Variants in RIF1 observed in about 807,000 individuals in gnomAD.
The protein encoded by RIF1 is telomere-associated protein RIF1.
A neutral mutation model predicts 247.1 loss-of-function variants in RIF1; 45 were observed. That is an observed-to-expected ratio of 0.18 (90% CI 0.14 to 0.23). RIF1 has a LOEUF of 0.23. Ranked by LOEUF, RIF1 falls within the 10% of genes least tolerant of loss-of-function variation. RIF1 has a pLI of 1.00. For missense variants in RIF1, 2,967 were observed against 2,862.5 expected (o/e 1.04, Z -0.83); for synonymous variants, 1,087 against 978.8 (o/e 1.11, Z -2.06).
chr2:151,425,582 A>G (rs1688907996), intron 8 of RIF1, among the ~76,000 whole-genome samples: 1 of 150,746 alleles, frequency 6.6e-6, no homozygotes, highest in East Asian at 1.9e-4. Context: ...GTCCACGTTC[A>G]TCCTTTTGCA....
At chr2:151,487,047 G>T (rs1454158739), downstream of RIF1, among the ~76,000 whole-genome samples, 2 of 142,770 alleles carry the variant, frequency 1.4e-5, no homozygotes, top group East Asian at 5.3e-4. Context: ...GCATGAAATT[G>T]TGTGTGTGTG....
At chr2:151,435,433 T>C (rs976494410) in intron 10 of RIF1, 30 bp from the exon 11 acceptor site, 9 of 1,244,070 alleles carry the variant, frequency 7.2e-6, no homozygotes, top group Non-Finnish European at 1.1e-5. Context: ...TTGTATAGTT[T>C]ATAGATCGAT....
At chr2:151,451,000 T>G (rs1436601177) in intron 20 of RIF1, among the ~76,000 whole-genome samples, 1 of 152,222 alleles carries the variant, frequency 6.6e-6, no homozygotes, top group Admixed American at 6.5e-5. Context: ...CTCAGTTTAT[T>G]GGTTGATATG....
chr2:151,430,741 C>T (rs138925674), intron 9 of RIF1, among the ~76,000 whole-genome samples: 59 of 143,008 alleles, frequency 4.1e-4, no homozygotes, highest in African/African-American at 1.4e-3. Flanking sequence ...CAGCCTTGAC[C>T]TCCTGGGCTC....
chr2:151,412,752 G>A (rs1686478551), intron 3 of RIF1, among the ~76,000 whole-genome samples: 1 of 151,926 alleles, frequency 6.6e-6, no homozygotes, highest in African/African-American at 2.4e-5. Flanking sequence ...CAGAGGGCTA[G>A]GATTATAGGT....
At chr2:151,527,689 A>C in the RIF1 span, 1 of 752,178 alleles carries the variant, frequency 1.3e-6, no homozygotes, top group Non-Finnish European at 2.2e-6. Flanking sequence ...ATCTCAAATC[A>C]TGATTCCTAA....
chr2:151,523,120 A>AAT, the RIF1 span, among the ~76,000 whole-genome samples: 2 of 152,204 alleles, frequency 1.3e-5, no homozygotes, highest in Non-Finnish European at 2.9e-5. Context: ...TAAAAACATT[A>AAT]ACTTTTTGCA....
chr2:151,514,796 GAA>G, the RIF1 span: 9 of 1,490,640 alleles, frequency 6.0e-6, no homozygotes, highest in African/African-American at 1.3e-4. Context: ...AAGAGGGAAA[GAA>G]AAGACCAAGT....
In RIF1 at chr2:151,490,014, T is replaced by C. The variant is rs952273879; in HGVS notation, c.*416-5215T>C. On this transcript the variant is annotated intron_variant and NMD_transcript_variant, in intron 9 of 13. Transcript: ENST00000454583. ...AGATGGGATGGAAGATACCGTTGTC[T>C]GTTGGGTAGCAACTGAAGATGATCG... 1 of 1,613,516 alleles carries C rather than the reference T, an allele frequency of 6.2e-7. No homozygotes were observed. Among genetic ancestry groups the C allele is most frequent in the Admixed American group, 1.7e-5 (1 of 60,026 alleles).
intron 19 of RIF1, among the ~76,000 whole-genome samples, chr2:151,446,156 G>A (rs947693109): frequency 3.3e-5 from 5 of 151,952 alleles, no homozygotes; most frequent in East Asian, 1.9e-4. Flanking sequence ...ACAGGCATCC[G>A]CCACTTCGTC....
chr2:151,410,862 C>T (rs1311676501), intron 2 of RIF1, among the ~76,000 whole-genome samples: 1 of 88,574 alleles, frequency 1.1e-5, no homozygotes, highest in Non-Finnish European at 2.5e-5. Flanking sequence ...TGTGGCTACC[C>T]AGAGTTTTTT....
intron 10 of RIF1, chr2:151,498,400 A>ATTT: frequency 7.3e-7 from 1 of 1,368,864 alleles, no homozygotes; most frequent in Non-Finnish European, 1.0e-6. Flanking sequence ...TCAATCAGTC[A>ATTT]TTTTCCCCCT....
At chr2:151,509,867 C>T (rs2072660885), downstream of RIF1, among the ~76,000 whole-genome samples, 1 of 152,168 alleles carries the variant, frequency 6.6e-6, no homozygotes, top group Non-Finnish European at 1.5e-5. Flanking sequence ...CTCGGTCTCC[C>T]AAAGTCCTGG....
chr2:151,472,995 T>C (rs1021388746), intron 34 of RIF1, among the ~76,000 whole-genome samples: 12 of 152,208 alleles, frequency 7.9e-5, no homozygotes, highest in African/African-American at 2.9e-4. Context: ...TGAATTCATC[T>C]GGTCCTGGAC....
chr2:151,422,836 T>C lies in RIF1; in HGVS notation c.694-114T>C, dbSNP rs535066420. Reference sequence around the variant, plus strand: ...CTGGCCTTGGGTGGGGTAATATTTTTATTATGGAGAAAACTATTTGGTTGA... The same window carrying C: ...CTGGCCTTGGGTGGGGTAATATTTTCATTATGGAGAAAACTATTTGGTTGA... On this transcript the variant is annotated intron_variant, in intron 7 of 35. Coordinates refer to ENST00000444746, the MANE Select transcript of RIF1 (RefSeq NM_018151.5). 284 of 627,852 alleles carry C rather than the reference T, an allele frequency of 4.5e-4. 1 individual carries two copies. In the South Asian group the frequency reaches 5.5e-3, roughly 12 times the overall value. The allele number at this position is 627,852 out of a possible 1,614,324, so 38.9% of individuals were successfully genotyped here.
intron 3 of RIF1, among the ~76,000 whole-genome samples, chr2:151,413,403 T>C (rs1686631449): frequency 1.3e-5 from 2 of 152,180 alleles, no homozygotes; most frequent in Admixed American, 1.3e-4. Context: ...CATGGAAGGT[T>C]GATAATAGGA....
chr2:151,513,304 G>A, the RIF1 span, among the ~76,000 whole-genome samples: 7 of 152,170 alleles, frequency 4.6e-5, no homozygotes, highest in Non-Finnish European at 4.4e-5. Flanking sequence ...CCAAGATGTC[G>A]AGTTTGCCCC....
In RIF1 at chr2:151,410,406, G is replaced by C; in HGVS notation, c.-10-8G>C. 6.2e-7 allele frequency: 1 copy of C among 1,610,634 alleles called. No individual in the cohort carries two copies. The highest frequency in any genetic ancestry group is 8.5e-7 in the Non-Finnish European group (1 of 1,177,988). ...CTGGATTTTCTCCTCTTCCGGTTCG[G>C]GCCTCAGGGTGGCCGACATGACGGC... On this transcript the variant is annotated splice_polypyrimidine_tract_variant and splice_region_variant and intron_variant, in intron 1 of 35. Transcript: ENST00000444746.
chr2:151,424,103 GT>G (rs546772754), intron 8 of RIF1, among the ~76,000 whole-genome samples: 69 of 152,176 alleles, frequency 4.5e-4, no homozygotes, highest in African/African-American at 1.6e-3. Context: ...TAAGCATAAA[GT>G]TTTTTTATTT....
Sources: allele counts gnomAD v4.1 joint callset (sites outside exome capture counted in the v4.1 genomes callset), GRCh38; gene constraint gnomAD v4.1.1; transcripts MANE v1.5; gene names NCBI Gene and HGNC (gene_info 2026-07-23, HGNC 2026-07-21).